LSAMP: variants seen among roughly 807,000 people sequenced by gnomAD.
LSAMP encodes the protein limbic system-associated membrane protein.
A neutral mutation model predicts 38.6 loss-of-function variants in LSAMP; 7 were observed. The observed-to-expected ratio is 0.18, with a 90% CI of 0.10 to 0.34. The LOEUF (loss-of-function observed/expected upper bound fraction) is 0.34. Among genes scored for constraint, LSAMP ranks in the 10% least tolerant of loss-of-function variants. The pLI is 1.00. For synonymous variants in LSAMP, 154 were observed against 166.8 expected (o/e 0.92, Z 0.59); for missense variants, 313 against 420.0 (o/e 0.75, Z 2.23).
chr3:115,937,949 G>A (rs982571284), intron 3 of LSAMP, among the ~76,000 whole-genome samples: 2 of 152,076 alleles, frequency 1.3e-5, no homozygotes, highest in Admixed American at 1.3e-4. Context: ...CTATTGTGTG[G>A]ACTGTTGAAA....
intron 1 of LSAMP, among the ~76,000 whole-genome samples, chr3:116,330,996 A>T (rs1034130840): frequency 6.6e-6 from 1 of 152,176 alleles, no homozygotes; most frequent in Non-Finnish European, 1.5e-5. Flanking sequence ...AAAGATACTC[A>T]TCTTTAGGAA....
At chr3:116,128,375 C>T (rs570228719) in intron 1 of LSAMP, among the ~76,000 whole-genome samples, 1 of 152,292 alleles carries the variant, frequency 6.6e-6, no homozygotes, top group Admixed American at 6.5e-5. Context: ...ACTTCAGAAG[C>T]CATACTTTTC....
At chr3:116,119,694 T>C (rs2107485476) in intron 1 of LSAMP, among the ~76,000 whole-genome samples, 1 of 151,572 alleles carries the variant, frequency 6.6e-6, no homozygotes. Flanking sequence ...AGTCTTGCTC[T>C]GTTACCCAGG....
chr3:116,124,036 C>T (rs1708951602), intron 1 of LSAMP, among the ~76,000 whole-genome samples: 1 of 152,130 alleles, frequency 6.6e-6, no homozygotes, highest in African/African-American at 2.4e-5. Flanking sequence ...ATGGTTGACT[C>T]TCTAGGCAGA....
intron 1 of LSAMP, among the ~76,000 whole-genome samples, chr3:116,141,419 A>G (rs1011139573): frequency 3.0e-5 from 1 of 33,868 alleles, no homozygotes; most frequent in Non-Finnish European, 9.0e-5. Flanking sequence ...TATACCTAGA[A>G]AAAAAAAGTA....
At chr3:116,387,739 C>T (rs1217929931) in intron 1 of LSAMP, among the ~76,000 whole-genome samples, 1 of 152,016 alleles carries the variant, frequency 6.6e-6, no homozygotes, top group East Asian at 1.9e-4. Flanking sequence ...TGAGTCACTG[C>T]CACATCATAC....
intron 1 of LSAMP, among the ~76,000 whole-genome samples, chr3:116,101,291 C>T (rs1041775171): frequency 6.6e-6 from 1 of 152,156 alleles, no homozygotes; most frequent in African/African-American, 2.4e-5. Context: ...AACCAGGTAT[C>T]TTATTTCCCT....
intron 1 of LSAMP, among the ~76,000 whole-genome samples, chr3:116,399,739 T>C (rs1465564232): frequency 1.3e-5 from 2 of 152,222 alleles, no homozygotes; most frequent in East Asian, 3.8e-4. Context: ...TCCACAAGTT[T>C]ATATCCCATT....
chr3:115,870,589 G>A (rs1936004887), intron 3 of LSAMP, among the ~76,000 whole-genome samples: 1 of 152,118 alleles, frequency 6.6e-6, no homozygotes, highest in Non-Finnish European at 1.5e-5. Context: ...GCAAGCCCCA[G>A]GAATCTGCAT....
intron 1 of LSAMP, among the ~76,000 whole-genome samples, chr3:116,208,902 C>T (rs1360298647): frequency 6.6e-6 from 1 of 152,220 alleles, no homozygotes; most frequent in East Asian, 1.9e-4. Flanking sequence ...GGCAGGCAGG[C>T]CTCCTTGAGC....
chr3:116,436,584 G>C (rs992913715), intron 1 of LSAMP, among the ~76,000 whole-genome samples: 4 of 152,102 alleles, frequency 2.6e-5, no homozygotes, highest in Admixed American at 6.5e-5. Context: ...ACAAACATAT[G>C]AAAGAATGCT....
chr3:116,109,946 CAG>C (rs1473076880), intron 1 of LSAMP, among the ~76,000 whole-genome samples: 25 of 143,418 alleles, frequency 1.7e-4, no homozygotes, highest in Middle Eastern at 3.5e-3. Context: ...GATTGGGGCA[CAG>C]AGATAAGAGG....
intron 1 of LSAMP, among the ~76,000 whole-genome samples, chr3:116,110,903 C>G (rs146644557): frequency 6.6e-6 from 1 of 150,440 alleles, no homozygotes; most frequent in East Asian, 2.0e-4. Context: ...AAAGAGTCAG[C>G]GAAGGGAGGT....
intron 3 of LSAMP, among the ~76,000 whole-genome samples, chr3:115,929,536 A>C (rs937034366): frequency 6.6e-6 from 1 of 152,132 alleles, no homozygotes; most frequent in Non-Finnish European, 1.5e-5. Context: ...CTGAGCAGGC[A>C]GGTGAAAATA....
chr3:115,932,815 A>G (rs1039129578), intron 3 of LSAMP, among the ~76,000 whole-genome samples: 3 of 152,190 alleles, frequency 2.0e-5, no homozygotes, highest in Admixed American at 6.5e-5. Flanking sequence ...TTGTTTTCCA[A>G]TTCCTAATGA....
intron 3 of LSAMP, among the ~76,000 whole-genome samples, chr3:115,991,655 T>C (rs926876524): frequency 6.6e-6 from 1 of 152,078 alleles, no homozygotes; most frequent in African/African-American, 2.4e-5. Context: ...CATCTCCAAA[T>C]TGTATCTATC....
At chr3:115,922,607 G>A (rs1479982268) in intron 3 of LSAMP, among the ~76,000 whole-genome samples, 2 of 151,734 alleles carry the variant, frequency 1.3e-5, no homozygotes, top group African/African-American at 4.8e-5. Context: ...ATGTTTTCTT[G>A]TTTCTCTGTG....
intron 3 of LSAMP, among the ~76,000 whole-genome samples, chr3:115,959,476 A>T (rs996368459): frequency 6.6e-6 from 1 of 152,212 alleles, no homozygotes; most frequent in Non-Finnish European, 1.5e-5. Context: ...GGAAAAATTG[A>T]GGATTTTATA....
intron 3 of LSAMP, among the ~76,000 whole-genome samples, chr3:115,985,954 C>A (rs1458162144): frequency 6.6e-6 from 1 of 152,136 alleles, no homozygotes; most frequent in African/African-American, 2.4e-5. Flanking sequence ...TTTCAAGCTG[C>A]TAACTTTTCG....
Sources: gnomAD v4.1 joint callset for allele counts (sites outside exome capture counted in the v4.1 genomes callset) on GRCh38, gnomAD v4.1.1 for gene constraint, MANE v1.5 for transcripts, NCBI Gene and HGNC (gene_info 2026-07-23, HGNC 2026-07-21) for gene names.